Variants in ACBD5 observed in about 807,000 individuals in gnomAD.
ACBD5 encodes the protein acyl-CoA binding domain containing 5.
In ACBD5, 40 loss-of-function variants were observed where a neutral mutation model predicts 71.8. That is an observed-to-expected ratio of 0.56 (90% CI 0.43 to 0.72). ACBD5 has a LOEUF of 0.72. ACBD5 is among the 30% of genes least tolerant of loss of function. ACBD5 has a pLI of 0.00. For missense variants in ACBD5, 559 were observed against 644.5 expected (o/e 0.87, Z 1.44); for synonymous variants, 229 against 218.6 (o/e 1.05, Z -0.42).
intron 8 of ACBD5, among the ~76,000 whole-genome samples, chr10:27,214,538 T>A (rs549641791): frequency 8.3e-4 from 125 of 150,870 alleles, no homozygotes; most frequent in African/African-American, 3.0e-3. Flanking sequence ...TATGTGCCCA[T>A]TAAAATTAAA....
intron 10 of ACBD5, among the ~76,000 whole-genome samples, chr10:27,206,769 GCCTC>G (rs1589054682): frequency 6.6e-6 from 1 of 151,818 alleles, no homozygotes; most frequent in East Asian, 2.0e-4. Flanking sequence ...ACTCGCCTCG[GCCTC>G]CCAAAGTGCT....
rs373321552 is a variant in ACBD5 at position 27,218,227 on chromosome 10, G to C, written c.626-44C>G. 1.7e-4 allele frequency: 249 copies of C among 1,442,148 alleles called. 2 individuals are homozygous for C. Among genetic ancestry groups the C allele is most frequent in the Admixed American group, 3.3e-5 (2 of 59,770 alleles). The allele number at this position is 1,442,148 out of a possible 1,614,324, so 89.3% of individuals were successfully genotyped here. ...AAAGATTCATAAAAGTTCACAGTAG[G>C]TCACCTTCTGCATACCATGTTTTAA... On this transcript the variant is annotated intron_variant, in intron 6 of 12. Coordinates refer to ENST00000396271, the MANE Select transcript of ACBD5 (RefSeq NM_145698.5).
chr10:27,222,716 G>A (rs865953872), intron 5 of ACBD5, among the ~76,000 whole-genome samples: 12 of 152,050 alleles, frequency 7.9e-5, no homozygotes, highest in South Asian at 4.1e-4. Context: ...GATCACAGGC[G>A]TGTGCCACCA....
Position 27,210,877 on chromosome 10 carries a change from C to T in ACBD5, c.1141G>A (p.Ala381Thr). 1 of 1,614,236 alleles carries T rather than the reference C, an allele frequency of 6.2e-7. No homozygotes were observed. Among genetic ancestry groups the T allele is most frequent in the Non-Finnish European group, 8.5e-7 (1 of 1,180,034 alleles). The change falls in exon 9 of 13, where the codon GCA (alanine) becomes ACA (threonine). Residue 381 changes from alanine to threonine, a missense_variant. Ala to Thr is a moderately conservative substitution (Grantham distance 58, BLOSUM62 0). Coordinates refer to ENST00000396271, the MANE Select transcript of ACBD5 (RefSeq NM_145698.5). ...CCGCCTCGCTTCTCCCGGTGTGGTGCTCCGCTGTTATTCCTGCCATCTTCT... is the reference window on the plus strand; with the variant it reads ...CCGCCTCGCTTCTCCCGGTGTGGTGTTCCGCTGTTATTCCTGCCATCTTCT... Reference protein sequence around the residue: ...GGEDGRNNSGAPHREKRGGET... With the variant: ...GGEDGRNNSGTPHREKRGGET...
chr10:27,191,120 T>C (rs7086553), downstream of ACBD5, among the ~76,000 whole-genome samples: 91,202 of 152,048 alleles, frequency 0.6, 27,643 homozygotes, highest in Non-Finnish European at 0.64. Context: ...TGGGCTATTA[T>C]TCAGCGCTAA....
intron 10 of ACBD5, among the ~76,000 whole-genome samples, chr10:27,207,156 G>A (rs1248665643): frequency 2.0e-5 from 3 of 151,762 alleles, no homozygotes; most frequent in African/African-American, 7.3e-5. Flanking sequence ...TGCGCCTGTA[G>A]TCTCAGCTAC....
rs1279287607 is a variant in ACBD5 at position 27,211,087 on chromosome 10, A to G, written c.937-6T>C. The G allele has an allele frequency of 6.2e-7, 1 of 1,613,908 alleles. No individual in the cohort carries two copies. Among genetic ancestry groups the G allele is most frequent in the Admixed American group, 1.7e-5 (1 of 60,018 alleles). Reference sequence around the variant, plus strand: ...GACGTAAAGCTGTCTAAAGACTACAAATTAGAAATGACACTTAGTTAAAAG... The same window carrying G: ...GACGTAAAGCTGTCTAAAGACTACAGATTAGAAATGACACTTAGTTAAAAG... On this transcript the variant is annotated splice_polypyrimidine_tract_variant and splice_region_variant and intron_variant, in intron 8 of 12. Coordinates refer to ENST00000396271, the MANE Select transcript of ACBD5 (RefSeq NM_145698.5).
In ACBD5 at chr10:27,200,287, C is replaced by T. The variant is rs528241506; in HGVS notation, c.1566-2845G>A. On this transcript the variant is annotated intron_variant, in intron 12 of 12. Transcript: ENST00000396271. ...CTCTGGTCGTCCTCACTGCTACACT[C>T]CCACCAGCGCCATGACAGTTTACAA... 3.9e-5 allele frequency among the ~76,000 whole-genome samples: 6 copies of T among 152,278 alleles called. No homozygotes were observed. In the South Asian group the frequency reaches 1.2e-3, roughly 32 times the overall value.
At chr10:27,235,294 T>C (rs1174244366) in intron 2 of ACBD5, 82 bp from the exon 3 acceptor site, 16 of 1,495,442 alleles carry the variant, frequency 1.1e-5, no homozygotes, top group Non-Finnish European at 1.5e-5. Context: ...GCTATACTAA[T>C]AGTGATTTTA....
intron 10 of ACBD5, among the ~76,000 whole-genome samples, chr10:27,206,103 T>C (rs549767186): frequency 6.6e-6 from 1 of 151,992 alleles, no homozygotes; most frequent in South Asian, 2.1e-4. Flanking sequence ...GGTCTTGCCA[T>C]GCTGCCTAGG....
At chr10:27,198,317 G>A (rs1051613710) in intron 12 of ACBD5, among the ~76,000 whole-genome samples, 2 of 152,122 alleles carry the variant, frequency 1.3e-5, no homozygotes, top group Non-Finnish European at 2.9e-5. Flanking sequence ...ACAGAAGAGT[G>A]AATGAGCTAT....
At chr10:27,228,443 G>A (rs1272064597) in intron 4 of ACBD5, among the ~76,000 whole-genome samples, 1 of 151,878 alleles carries the variant, frequency 6.6e-6, no homozygotes, top group Admixed American at 6.6e-5. Flanking sequence ...CAGATGTGGT[G>A]GTTTGCGCCT....
chr10:27,184,657 T>A (rs997281720), intron 13 of ACBD5, among the ~76,000 whole-genome samples: 3 of 132,210 alleles, frequency 2.3e-5, no homozygotes, highest in Non-Finnish European at 4.6e-5. Flanking sequence ...GCCTCCCAGG[T>A]TCAAGTGACT....
At chr10:27,231,934 C>G (rs1387840835) in intron 3 of ACBD5, 114 bp from the exon 4 acceptor site, 2 of 991,380 alleles carry the variant, frequency 2.0e-6, no homozygotes, top group Non-Finnish European at 3.1e-6. Flanking sequence ...CTACTTAAAG[C>G]CATAACAGGA....
At chr10:27,194,981 C>T (rs1443353575), downstream of ACBD5, among the ~76,000 whole-genome samples, 3 of 152,014 alleles carry the variant, frequency 2.0e-5, no homozygotes, top group African/African-American at 4.8e-5. Context: ...GGCAACAGAG[C>T]GAGACTCTGT....
intron 3 of ACBD5, among the ~76,000 whole-genome samples, chr10:27,234,698 G>A (rs1413126538): frequency 2.0e-5 from 3 of 152,222 alleles, no homozygotes; most frequent in Non-Finnish European, 4.4e-5. Context: ...TCGGGAGGCC[G>A]AGGTGGGCGG....
In ACBD5 at chr10:27,211,026, T is replaced by C; in HGVS notation, c.992A>G (p.His331Arg). 7 of 1,614,168 alleles carry C rather than the reference T, an allele frequency of 4.3e-6. No homozygotes were observed. Among genetic ancestry groups the C allele is most frequent in the Non-Finnish European group, 5.9e-6 (7 of 1,180,018 alleles). ...AGAATTTTCCATGGGTTGACTGGAA[T>C]GACCACCCAAGTAATACTGAAATGG... Reference protein sequence around the residue: ...NGPFQYYLGGHSSQPMENSGF... With the variant: ...NGPFQYYLGGRSSQPMENSGF... Residue 331 changes from histidine (H) to arginine (R), a missense_variant, in exon 9 of 13, where the codon CAT (histidine) becomes CGT (arginine). Physicochemically the swap from His to Arg is conservative, Grantham distance 29 (BLOSUM62 0). Coordinates refer to ENST00000396271, the MANE Select transcript of ACBD5 (RefSeq NM_145698.5).
intron 5 of ACBD5, among the ~76,000 whole-genome samples, chr10:27,222,652 A>C (rs2987452): frequency 0.95 from 144,811 of 152,240 alleles, 68,927 homozygotes; most frequent in East Asian, 1. Flanking sequence ...CTCACTGCAA[A>C]CTTTGCCTCC....
chr10:27,213,863 C>G (rs2137179371), intron 8 of ACBD5, among the ~76,000 whole-genome samples: 1 of 152,220 alleles, frequency 6.6e-6, no homozygotes, highest in Admixed American at 6.5e-5. Context: ...GAGATATCAG[C>G]ACTCCCATGT....
Sources: gnomAD v4.1 joint callset for allele counts (sites outside exome capture counted in the v4.1 genomes callset) on GRCh38, gnomAD v4.1.1 for gene constraint, MANE v1.5 for transcripts, NCBI Gene and HGNC (gene_info 2026-07-23, HGNC 2026-07-21) for gene names.